CACNA2D4: variants seen among roughly 807,000 people sequenced by gnomAD.
The protein encoded by CACNA2D4 is voltage-dependent calcium channel subunit alpha-2/delta-4.
Under a neutral mutation model 163.8 loss-of-function variants are expected in CACNA2D4, and 157 were observed. The observed-to-expected ratio is 0.96, with a 90% CI of 0.84 to 1.09. The LOEUF is 1.09. Ranked by LOEUF, CACNA2D4 falls within the 50% of genes least tolerant of loss-of-function variation. The probability of loss-of-function intolerance (pLI) is 0.00; values close to 1 mark genes in which losing one functional copy is unlikely to be tolerated. For missense variants in CACNA2D4, 1,410 were observed against 1,479.9 expected (o/e 0.95, Z 0.78); for synonymous variants, 598 against 586.9 (o/e 1.02, Z -0.27).
At chr12:1,862,379 G>A (rs928389392) in intron 18 of CACNA2D4, among the ~76,000 whole-genome samples, 2 of 152,198 alleles carry the variant, frequency 1.3e-5, no homozygotes, top group African/African-American at 4.8e-5. Context: ...AGTATTTGGT[G>A]TTATTAGTCT....
rs145105218 is a variant in CACNA2D4 at position 1,830,403 on chromosome 12, A to G, written c.2551+10336T>C. Among the ~76,000 whole-genome samples the G allele has an allele frequency of 2.0e-4, 30 of 152,332 alleles. No homozygotes were observed. The South Asian group carries it at 3.5e-3, about 18-fold the overall frequency. Reference sequence around the variant, plus strand: ...GTTTTGTGCTCTCGCCTTTCCATACACAGCTCCAGAGTTGGGGTGGGCCAC... The same window carrying G: ...GTTTTGTGCTCTCGCCTTTCCATACGCAGCTCCAGAGTTGGGGTGGGCCAC... On this transcript the variant is annotated intron_variant, in intron 26 of 37. Coordinates refer to ENST00000382722, the MANE Select transcript of CACNA2D4 (RefSeq NM_172364.5).
intron 36 of CACNA2D4, 84 bp from the exon 37 acceptor site, chr12:1,795,465 G>A (rs938408677): frequency 3.6e-5 from 47 of 1,317,876 alleles, no homozygotes; most frequent in Non-Finnish European, 4.9e-5. Context: ...AACCTGCTCT[G>A]GTGCCACCAG....
intron 26 of CACNA2D4, among the ~76,000 whole-genome samples, chr12:1,817,413 G>A (rs1592668559): frequency 6.6e-6 from 1 of 152,180 alleles, no homozygotes; most frequent in East Asian, 1.9e-4. Flanking sequence ...CACGGAACAG[G>A]TGAGGCCAGT....
At chr12:1,864,174 C>G (rs1326952922) in intron 18 of CACNA2D4, among the ~76,000 whole-genome samples, 4 of 152,188 alleles carry the variant, frequency 2.6e-5, no homozygotes, top group Admixed American at 2.6e-4. Flanking sequence ...GTCAGCCTAA[C>G]GGTGAGCCGA....
In CACNA2D4 at chr12:1,879,044, G is replaced by C. The variant is rs768229439; in HGVS notation, c.1564-8C>G. On this transcript the variant is annotated splice_region_variant and splice_polypyrimidine_tract_variant and intron_variant, in intron 14 of 37. Coordinates refer to ENST00000382722, the MANE Select transcript of CACNA2D4 (RefSeq NM_172364.5). ...GAGAATGCCATGGGATCGCTGGAAG[G>C]AAAGACACAAGGGGTGGGGGAGACC... is the stretch of plus-strand genomic sequence containing the variant. 6.2e-7 allele frequency: 1 copy of C among 1,613,042 alleles called. No homozygotes were observed. Among genetic ancestry groups the C allele is most frequent in the South Asian group, 1.1e-5 (1 of 91,062 alleles).
At chr12:1,871,675 G>A (rs1865790378) in intron 18 of CACNA2D4, among the ~76,000 whole-genome samples, 1 of 152,088 alleles carries the variant, frequency 6.6e-6, no homozygotes, top group Non-Finnish European at 1.5e-5. Flanking sequence ...GCTGGTATGT[G>A]TGTACACATG....
intron 26 of CACNA2D4, among the ~76,000 whole-genome samples, chr12:1,816,170 C>T (rs1273416308): frequency 6.6e-6 from 1 of 152,198 alleles, no homozygotes; most frequent in African/African-American, 2.4e-5. Context: ...GCCCTTCCTC[C>T]CATCATCTCC....
rs866707543 is a variant in CACNA2D4, at chr12:1,834,125, C to G, written c.2551+6614G>C. 1.1e-5 allele frequency: 11 copies of G among 972,732 alleles called. No individual in the cohort carries two copies. The African/African-American group carries it at 1.1e-4, about 10-fold the overall frequency. 60.3% of individuals were successfully genotyped at this position (972,732 alleles called of 1,614,324 possible). On this transcript the variant is annotated intron_variant, in intron 26 of 37. Transcript: ENST00000382722. This position sits in a 1 kb window ranked among gnomAD's most constrained non-coding sequence, Gnocchi z 7.6. ...TGTTTTCCCTCCTCCGCTTCCTCTT[C>G]TATAGATGGTGATTCCAGGATTGAC...
At chr12:1,877,856 T>C (rs1865913673) in intron 16 of CACNA2D4, among the ~76,000 whole-genome samples, 1 of 152,184 alleles carries the variant, frequency 6.6e-6, no homozygotes, top group South Asian at 2.1e-4. Context: ...GTTGAACTCA[T>C]GTGAAAATAC....
At chr12:1,857,493 T>C (rs1424048962) in intron 20 of CACNA2D4, among the ~76,000 whole-genome samples, 1 of 152,044 alleles carries the variant, frequency 6.6e-6, no homozygotes, top group Non-Finnish European at 1.5e-5. Context: ...ACAAGAGAGG[T>C]GACAATGACC....
intron 18 of CACNA2D4, among the ~76,000 whole-genome samples, chr12:1,868,411 A>C (rs775100467): frequency 6.6e-6 from 1 of 152,000 alleles, no homozygotes; most frequent in Non-Finnish European, 1.5e-5. Context: ...ATAAAAATGG[A>C]ATACATAGAA....
At chr12:1,841,127 T>C (rs1367432902) in intron 25 of CACNA2D4, among the ~76,000 whole-genome samples, 1 of 152,212 alleles carries the variant, frequency 6.6e-6, no homozygotes, top group Non-Finnish European at 1.5e-5. Context: ...CCACAACACC[T>C]GTGTTGTATC....
In CACNA2D4 at chr12:1,917,994, T is replaced by A; in HGVS notation, c.227+253A>T. On this transcript the variant is annotated intron_variant, in intron 1 of 37. Transcript: ENST00000382722. This position sits in a 1 kb window ranked among gnomAD's most constrained non-coding sequence, Gnocchi z 4.3. ...GAAGACAGCAGCCCTGATGATCAGT[T>A]CTTCCTAAAGCCATCCGGCTCCTGG... 2.2e-6 allele frequency: 1 copy of A among 450,534 alleles called. No individual in the cohort carries two copies. The highest frequency in any genetic ancestry group is 2.6e-5 in the South Asian group (1 of 37,940). The allele number at this position is 450,534 out of a possible 1,614,324, so 27.9% of individuals were successfully genotyped here. A position where few individuals can be genotyped will look rare whatever the true frequency, so the allele number is the denominator to read the frequency against.
At chr12:1,900,122 G>A (rs1054528521) in intron 6 of CACNA2D4, among the ~76,000 whole-genome samples, 6 of 152,100 alleles carry the variant, frequency 3.9e-5, no homozygotes, top group African/African-American at 1.2e-4. Context: ...TTATACTAAA[G>A]AATTGTTAAT....
At chr12:1,910,262 G>T (rs1866781212) in intron 3 of CACNA2D4, among the ~76,000 whole-genome samples, 1 of 152,262 alleles carries the variant, frequency 6.6e-6, no homozygotes, top group Non-Finnish European at 1.5e-5. Flanking sequence ...AGATAGAGAA[G>T]ATAAGTGGTT....
intron 13 of CACNA2D4, among the ~76,000 whole-genome samples, chr12:1,881,293 G>A (rs535967451): frequency 1.1e-3 from 163 of 152,314 alleles, no homozygotes; most frequent in African/African-American, 3.8e-3. Context: ...AGAATGCTAA[G>A]GACATCCTAG....
chr12:1,831,288 C>T lies in CACNA2D4; in HGVS notation c.2551+9451G>A, dbSNP rs201504469. The stretch of plus-strand genomic sequence containing the variant: ...CAGGGACCTGCTGCGGCACTCGCCG[C>T]TGCTCCGCCACCTGGACCTGTCCAT... On this transcript the variant is annotated intron_variant, in intron 26 of 37. Transcript: ENST00000382722. 5 of 1,613,730 alleles carry T rather than the reference C, an allele frequency of 3.1e-6. No homozygotes were observed. The East Asian group carries it at 1.1e-4, about 36-fold the overall frequency.
At chr12:1,885,530 G>T (rs932554400) in intron 9 of CACNA2D4, among the ~76,000 whole-genome samples, 1 of 152,182 alleles carries the variant, frequency 6.6e-6, no homozygotes, top group African/African-American at 2.4e-5. Context: ...ATGTGCAAAA[G>T]CTCTCTTTAA....
In CACNA2D4 at chr12:1,795,520, C is replaced by T. The variant is rs1413973289; in HGVS notation, c.3227-139G>A. On this transcript the variant is annotated intron_variant, in intron 36 of 37. Transcript: ENST00000382722. ...AGGGTCAGGAGGCAGCACCGGGGCC[C>T]AGGGAAGGGTTAGAGAACAAATAAC... 7.3e-6 allele frequency: 7 copies of T among 964,972 alleles called. No individual in the cohort carries two copies. The African/African-American group carries it at 1.1e-4, about 16-fold the overall frequency. The allele number at this position is 964,972 out of a possible 1,614,324, so 59.8% of individuals were successfully genotyped here.
Sources: gnomAD v4.1 joint callset for allele counts (sites outside exome capture counted in the v4.1 genomes callset) on GRCh38, gnomAD v4.1.1 for gene constraint, Gnocchi (gnomAD v3.1) non-coding constraint, MANE v1.5 for transcripts, NCBI Gene and HGNC (gene_info 2026-07-23, HGNC 2026-07-21) for gene names.